The following ARHGAP44 variants were observed in gnomAD, a reference collection of about 807,000 sequenced individuals.
ARHGAP44 encodes Rho GTPase activating protein 44, also known as rho GTPase-activating protein 44.
ARHGAP44 carries 43 observed loss-of-function variants against 106.8 expected under a neutral mutation model. The ratio of observed to expected loss-of-function variants is 0.40; its 90% CI spans 0.32 to 0.52. The LOEUF (loss-of-function observed/expected upper bound fraction) is 0.52, where lower values mean the gene tolerates loss of function less well. Ranked by LOEUF, ARHGAP44 falls within the 20% of genes least tolerant of loss-of-function variation. ARHGAP44 has a pLI of 0.48. For missense variants in ARHGAP44, 866 were observed against 1,050.5 expected, an observed-to-expected ratio of 0.82 and a Z score of 2.43; for synonymous variants, 439 against 410.3, an observed-to-expected ratio of 1.07 and a Z score of -0.85.
chr17:12,879,725 T>C (rs937012929), intron 1 of ARHGAP44, among the ~76,000 whole-genome samples: 2 of 149,882 alleles, frequency 1.3e-5, no homozygotes, highest in Non-Finnish European at 3.0e-5. Flanking sequence ...TTAAAAAATA[T>C]ATATATATAC....
intron 1 of ARHGAP44, among the ~76,000 whole-genome samples, chr17:12,793,571 G>A (rs1051564757): frequency 2.0e-5 from 3 of 152,196 alleles, no homozygotes; most frequent in Non-Finnish European, 4.4e-5. Context: ...AGCTGGGCAT[G>A]GTGGCGGGCG....
At chr17:12,879,439 G>A (rs184196168) in intron 1 of ARHGAP44, among the ~76,000 whole-genome samples, 1 of 152,176 alleles carries the variant, frequency 6.6e-6, no homozygotes, top group East Asian at 1.9e-4. Flanking sequence ...GCATGTGTAA[G>A]TATCTTTTTC....
Position 12,912,153 on chromosome 17 carries a change from A to G in ARHGAP44, c.275+3180A>G, listed in dbSNP as rs114322782. ...AACAGATTGTGTAGGGGAGGAAAAA[A>G]GGTTAGGAGAACAATCACTTGTGTT... On this transcript the variant is annotated intron_variant, in intron 4 of 20. Transcript: ENST00000379672. Among the ~76,000 whole-genome samples the G allele has an allele frequency of 2.6e-3, 400 of 152,318 alleles. 4 individuals are homozygous for G. Among genetic ancestry groups the G allele is most frequent in the African/African-American group, 9.4e-3 (390 of 41,580 alleles).
chr17:12,841,594 T>TGTCTCTCTCTCTCTCTCA (rs1555546085), intron 1 of ARHGAP44, among the ~76,000 whole-genome samples: 1 of 126,516 alleles, frequency 7.9e-6, no homozygotes, highest in African/African-American at 3.5e-5. Flanking sequence ...TGTCTCTCTC[T>TGTCTCTCTCTCTCTCTCA]CACACACACA....
At chr17:12,969,825 A>C (rs965813075) in intron 16 of ARHGAP44, among the ~76,000 whole-genome samples, 3 of 152,182 alleles carry the variant, frequency 2.0e-5, no homozygotes, top group Non-Finnish European at 4.4e-5. Flanking sequence ...TTGATAAACT[A>C]TCTTCATGGA....
At chr17:12,869,095 A>C (rs963298559) in intron 1 of ARHGAP44, among the ~76,000 whole-genome samples, 12 of 152,200 alleles carry the variant, frequency 7.9e-5, no homozygotes, top group Admixed American at 5.2e-4. Context: ...TTTGAGAAGA[A>C]AGTTTTAAGC....
At chr17:12,907,302 G>A (rs1041277009) in intron 3 of ARHGAP44, among the ~76,000 whole-genome samples, 4 of 152,086 alleles carry the variant, frequency 2.6e-5, no homozygotes, top group Admixed American at 6.6e-5. Flanking sequence ...CCTGGGGAAC[G>A]GATCATGCTA....
chr17:12,940,914 T>C, intron 7 of ARHGAP44, 142 bp from the exon 8 acceptor site: 1 of 622,068 alleles, frequency 1.6e-6, no homozygotes, highest in Admixed American at 3.5e-5. Flanking sequence ...CAAATGCCCA[T>C]GGAAAGTTTG....
At chr17:12,848,711 A>G (rs905902809) in intron 1 of ARHGAP44, among the ~76,000 whole-genome samples, 1 of 152,152 alleles carries the variant, frequency 6.6e-6, no homozygotes, top group Non-Finnish European at 1.5e-5. Flanking sequence ...CTTTTTGGAC[A>G]GTATCATACA....
chr17:12,885,975 A>T (rs1247810557), intron 1 of ARHGAP44, among the ~76,000 whole-genome samples: 1 of 152,068 alleles, frequency 6.6e-6, no homozygotes, highest in Non-Finnish European at 1.5e-5. Context: ...TAAATATTTT[A>T]TAACTTTTTT....
chr17:12,940,524 T>G (rs559693653), intron 7 of ARHGAP44, among the ~76,000 whole-genome samples: 2 of 152,310 alleles, frequency 1.3e-5, no homozygotes, highest in East Asian at 3.9e-4. Flanking sequence ...TTTGCCAAGT[T>G]TTGAGTCAGC....
At chr17:12,820,845 TGA>T (rs1424238236) in intron 1 of ARHGAP44, among the ~76,000 whole-genome samples, 1 of 152,186 alleles carries the variant, frequency 6.6e-6, no homozygotes, top group Non-Finnish European at 1.5e-5. Flanking sequence ...TGAGAATATG[TGA>T]GTCTCGGAAG....
chr17:12,978,056 A>AAAAAAAAAAAAAAAAAAAAAAAT (rs71144940), intron 18 of ARHGAP44, among the ~76,000 whole-genome samples: 1 of 149,108 alleles, frequency 6.7e-6, no homozygotes. Context: ...AAAAAAAAAA[A>AAAAAAAAAAAAAAAAAAAAAAAT]GTGTGTTTCG....
chr17:12,919,914 G>T (rs2038025362), intron 6 of ARHGAP44, 83 bp downstream of exon 6: 1 of 1,192,028 alleles, frequency 8.4e-7, no homozygotes, highest in African/African-American at 1.5e-5. Flanking sequence ...GTAGGCAATT[G>T]TGTTTTCATT....
chr17:12,859,816 AGGCAC>A (rs1399297783), intron 1 of ARHGAP44, among the ~76,000 whole-genome samples: 1 of 152,258 alleles, frequency 6.6e-6, no homozygotes, highest in Non-Finnish European at 1.5e-5. Context: ...CCACATGAGC[AGGCAC>A]GGAAAGAGGG....
intron 8 of ARHGAP44, among the ~76,000 whole-genome samples, chr17:12,942,352 G>A (rs2038733764): frequency 6.6e-6 from 1 of 152,158 alleles, no homozygotes; most frequent in South Asian, 2.1e-4. Context: ...TCACTATGTT[G>A]GCCAGGCTGG....
intron 10 of ARHGAP44, among the ~76,000 whole-genome samples, chr17:12,948,207 C>T (rs912109225): frequency 5.3e-5 from 8 of 152,328 alleles, no homozygotes; most frequent in South Asian, 2.1e-4. Flanking sequence ...TCTTCTCTTT[C>T]GCTTCATAGC....
At chr17:12,951,481 A>G (rs2038990796) in intron 12 of ARHGAP44, among the ~76,000 whole-genome samples, 1 of 152,170 alleles carries the variant, frequency 6.6e-6, no homozygotes, top group Non-Finnish European at 1.5e-5. Context: ...TTTGATGGAA[A>G]CTGTCACTCT....
chr17:12,859,458 T>C (rs948660190), intron 1 of ARHGAP44, among the ~76,000 whole-genome samples: 3 of 152,216 alleles, frequency 2.0e-5, no homozygotes, highest in Admixed American at 6.5e-5. Context: ...CATGAACCCG[T>C]TTCTCCATCA....
Sources: allele counts gnomAD v4.1 joint callset (sites outside exome capture counted in the v4.1 genomes callset), GRCh38; gene constraint gnomAD v4.1.1; transcripts MANE v1.5; gene names NCBI Gene and HGNC (gene_info 2026-07-23, HGNC 2026-07-21).